Variants in SNX32 observed in about 807,000 individuals in gnomAD.
SNX32 encodes sorting nexin 32.
A neutral mutation model predicts 57.0 loss-of-function variants in SNX32; 58 were observed. That is an observed-to-expected ratio of 1.02 (90% CI 0.82 to 1.27). The LOEUF is 1.27. Among genes scored for constraint, SNX32 ranks in the 50% most tolerant of loss-of-function variants. The probability of loss-of-function intolerance (pLI) is 0.00; values close to 1 mark genes in which losing one functional copy is unlikely to be tolerated. For missense variants in SNX32, 589 were observed against 541.2 expected, an observed-to-expected ratio of 1.09 and a Z score of -0.88; for synonymous variants, 262 against 220.4, an observed-to-expected ratio of 1.19 and a Z score of -1.67.
intron 1 of SNX32, among the ~76,000 whole-genome samples, chr11:65,847,003 T>C (rs1293237673): frequency 9.5e-6 from 1 of 105,216 alleles, no homozygotes; most frequent in African/African-American, 3.0e-5. Flanking sequence ...AATTTAGCTT[T>C]AGTTTTTTTT....
intron 1 of SNX32, among the ~76,000 whole-genome samples, chr11:65,847,738 C>T (rs748399239): frequency 1.3e-5 from 2 of 151,960 alleles, no homozygotes; most frequent in East Asian, 3.9e-4. Context: ...GGCAAAACCC[C>T]GTGTCTACTA....
intron 1 of SNX32, among the ~76,000 whole-genome samples, chr11:65,848,486 C>G (rs541163392): frequency 5.8e-4 from 88 of 151,928 alleles, no homozygotes; most frequent in African/African-American, 1.8e-3. Context: ...AGGAGGATCA[C>G]TTGAGCCCAG....
At chr11:65,848,135 G>A (rs1025362733) in intron 1 of SNX32, among the ~76,000 whole-genome samples, 5 of 152,128 alleles carry the variant, frequency 3.3e-5, no homozygotes, top group South Asian at 2.1e-4. Context: ...CATCTCCAAA[G>A]TGTGCCAAAA....
chr11:65,851,098 A>G lies in SNX32; in HGVS notation c.647A>G (p.Glu216Gly). Residue 216 changes from glutamate (E) to glycine (G), a missense_variant, in exon 7 of 13, where the codon GAG becomes GGG. By Grantham distance (98) the Glu-to-Gly change is moderately conservative (BLOSUM62 -2). Transcript: ENST00000308342. ...FFEHERTFLLEYHTRIRDACL... is the reference protein window; with the variant it reads ...FFEHERTFLLGYHTRIRDACL... ...GAGCATGAGAGGACCTTCCTGTTGGAGTATCACACCCGTATCCGAGATGCC... is the reference window on the plus strand; with the variant it reads ...GAGCATGAGAGGACCTTCCTGTTGGGGTATCACACCCGTATCCGAGATGCC... 1 of 1,613,930 alleles carries G rather than the reference A, an allele frequency of 6.2e-7. No individual in the cohort carries two copies. Among genetic ancestry groups the G allele is most frequent in the African/African-American group, 1.3e-5 (1 of 75,012 alleles).
intron 1 of SNX32, among the ~76,000 whole-genome samples, chr11:65,847,132 A>C (rs905796971): frequency 3.3e-5 from 5 of 151,700 alleles, no homozygotes; most frequent in Non-Finnish European, 5.9e-5. Flanking sequence ...GCCCCCCCCA[A>C]GTAGCTGGAA....
rs1859158467 is a variant in SNX32 at position 65,850,772 on chromosome 11, A to G, written c.520A>G (p.Arg174Gly). ...GQDLSVRGKN[R>G]KELLGGFLRN... ...TCAGCTGAGTGTCCGGGGGAAGAACAGGAAGGAGCTCCTCGGAGGGTTTCT... is the reference window on the plus strand; with the variant it reads ...TCAGCTGAGTGTCCGGGGGAAGAACGGGAAGGAGCTCCTCGGAGGGTTTCT... The change falls in exon 6 of 13, where the codon AGG (arginine) becomes GGG (glycine). Residue 174 changes from arginine to glycine, a missense_variant. By Grantham distance (125) the Arg-to-Gly change is moderately radical. Transcript: ENST00000308342. 1.2e-6 allele frequency: 2 copies of G among 1,614,074 alleles called. No individual in the cohort carries two copies. Among genetic ancestry groups the G allele is most frequent in the African/African-American group, 1.3e-5 (1 of 75,042 alleles).
At chr11:65,837,193 T>A (rs1449064348) in intron 1 of SNX32, among the ~76,000 whole-genome samples, 1 of 151,964 alleles carries the variant, frequency 6.6e-6, no homozygotes, top group Non-Finnish European at 1.5e-5. Context: ...AAAAGCAAGA[T>A]GACAAGTTGG....
At position 65,851,342 on chromosome 11, in the gene SNX32, T is replaced by C; in HGVS notation, c.724T>C (p.Tyr242His). The C allele has an allele frequency of 6.2e-7, 1 of 1,614,122 alleles. No individual in the cohort carries two copies. The highest frequency in any genetic ancestry group is 8.5e-7 in the Non-Finnish European group (1 of 1,180,012). ...MRAHKCLADD[Y>H]IPISAALSSL... ...TTCCCCAACAGGCCTGGCAGACGAT[T>C]ATATCCCTATCTCAGCTGCGCTGAG... Residue 242 changes from tyrosine (Y) to histidine (H), a missense_variant, in exon 8 of 13, where the codon TAT becomes CAT. Coordinates refer to ENST00000308342, the MANE Select transcript of SNX32 (RefSeq NM_152760.3).
At chr11:65,845,869 A>G (rs1413519045) in intron 1 of SNX32, among the ~76,000 whole-genome samples, 1 of 152,240 alleles carries the variant, frequency 6.6e-6, no homozygotes, top group Non-Finnish European at 1.5e-5. Context: ...AAGACACAGC[A>G]ATGAAAATAA....
chr11:65,845,040 G>T (rs1221062361), intron 1 of SNX32, among the ~76,000 whole-genome samples: 3 of 146,186 alleles, frequency 2.1e-5, no homozygotes, highest in African/African-American at 7.5e-5. Flanking sequence ...CTGCACACTT[G>T]TAATCCCAGC....
In SNX32 at chr11:65,849,498, T is replaced by G. The variant is rs1225801492; in HGVS notation, c.57T>G (p.Asp19Glu). 1 of 1,612,966 alleles carries G rather than the reference T, an allele frequency of 6.2e-7. No individual in the cohort carries two copies. Among genetic ancestry groups the G allele is most frequent in the East Asian group, 2.2e-5 (1 of 44,888 alleles). The change falls in exon 2 of 13, where the codon GAT becomes GAG. Residue 19 changes from aspartate to glutamate, a missense_variant. Asp to Glu is a conservative substitution (Grantham distance 45). Transcript: ENST00000308342. Reference sequence around the variant, plus strand: ...CGCAGCCTTCCTGTGCATCGGTGGATCTGCAGGGAGACAGCTCCTTACAGG... The same window carrying G: ...CGCAGCCTTCCTGTGCATCGGTGGAGCTGCAGGGAGACAGCTCCTTACAGG... ...KEGKPSCASV[D>E]LQGDSSLQVE...
chr11:65,841,706 C>T (rs1438723070), intron 1 of SNX32, among the ~76,000 whole-genome samples: 1 of 151,658 alleles, frequency 6.6e-6, no homozygotes, highest in Non-Finnish European at 1.5e-5. Context: ...CGCACTCCAG[C>T]CTGGGCAACA....
At position 65,852,420 on chromosome 11, in the gene SNX32, C is replaced by A. The variant is rs764570004; in HGVS notation, c.826-45C>A. 46 of 1,549,098 alleles carry A rather than the reference C, an allele frequency of 3.0e-5. No homozygotes were observed. In the South Asian group the frequency reaches 3.6e-4, roughly 12 times the overall value. On this transcript the variant is annotated intron_variant, in intron 9 of 12. Transcript: ENST00000308342. ...AGAGGTGCCTCCCACCCCTTAGCTG[C>A]CCCTCTGACAAGCTCCCTTCCCAGT...
At chr11:65,840,350 C>G (rs931918816) in intron 1 of SNX32, among the ~76,000 whole-genome samples, 2 of 152,074 alleles carry the variant, frequency 1.3e-5, no homozygotes, top group Non-Finnish European at 2.9e-5. Flanking sequence ...AATGCAGTCC[C>G]TCTGAGATTA....
intron 1 of SNX32, among the ~76,000 whole-genome samples, chr11:65,844,434 CT>C (rs1307093403): frequency 2.0e-5 from 2 of 98,782 alleles, no homozygotes; most frequent in Non-Finnish European, 2.7e-5. Flanking sequence ...GACCCCTTTT[CT>C]TTAAAAAAAA....
At chr11:65,841,439 T>C (rs1203162895) in intron 1 of SNX32, among the ~76,000 whole-genome samples, 1 of 152,152 alleles carries the variant, frequency 6.6e-6, no homozygotes, top group Non-Finnish European at 1.5e-5. Context: ...GGTTTCGCCA[T>C]GTTGCCCTGG....
rs902069100 is a variant in SNX32 at position 65,852,718 on chromosome 11, T to G, written c.1001T>G (p.Val334Gly). The change falls in exon 11 of 13, where the codon GTG (valine) becomes GGG (glycine). Residue 334 changes from valine (V) to glycine (G), a missense_variant. Coordinates refer to ENST00000308342, the MANE Select transcript of SNX32 (RefSeq NM_152760.3). ...LDKARTRNRE[V>G]RPAESHQQLC... ...AAGGCGCGCACCAGGAACCGGGAGG[T>G]GCGGCCCGCCGAGAGCCACCAGCAG... 1.9e-6 allele frequency: 3 copies of G among 1,598,344 alleles called. No homozygotes were observed. The East Asian group carries it at 6.8e-5, about 36-fold the overall frequency.
chr11:65,847,352 G>T (rs567704070), intron 1 of SNX32, among the ~76,000 whole-genome samples: 4 of 151,992 alleles, frequency 2.6e-5, no homozygotes, highest in Non-Finnish European at 5.9e-5. Flanking sequence ...ACATGCCCGT[G>T]GTCCTTGCTA....
At chr11:65,853,026 C>A (rs1261041170) in intron 12 of SNX32, 68 bp downstream of exon 12, 2 of 1,543,982 alleles carry the variant, frequency 1.3e-6, no homozygotes, top group African/African-American at 1.4e-5. Flanking sequence ...CTCCCCCAGG[C>A]ACCAGGGTGT....
Sources: gnomAD v4.1 joint callset for allele counts (sites outside exome capture counted in the v4.1 genomes callset) on GRCh38, gnomAD v4.1.1 for gene constraint, MANE v1.5 for transcripts, NCBI Gene and HGNC (gene_info 2026-07-23, HGNC 2026-07-21) for gene names.